Variants in IFT172 observed in about 807,000 individuals in gnomAD.
IFT172 encodes the protein intraflagellar transport protein 172 homolog.
In IFT172, 164 loss-of-function variants were observed where a neutral mutation model predicts 248.9. That is an observed-to-expected ratio of 0.66 (90% CI 0.58 to 0.75). The LOEUF (loss-of-function observed/expected upper bound fraction) is 0.75, where lower values mean the gene tolerates loss of function less well. IFT172 is among the 30% of genes least tolerant of loss of function. The pLI, the probability that IFT172 is intolerant of heterozygous loss-of-function variation, is 0.00. For synonymous variants in IFT172, 729 were observed against 791.6 expected (o/e 0.92, Z 1.33); for missense variants, 1,950 against 2,192.4 (o/e 0.89, Z 2.21).
Position 27,449,999 on chromosome 2 carries a change from G to A in IFT172, c.4049C>T (p.Ala1350Val), listed in dbSNP as rs1294982666. ...GTTCCATCTCAGCATCCTACTTACT[G>A]CACTGTGCTTTCCAATTCCAATCAG... ...PQLIGIGKHS[A>V]AAELYLNLDL... The change falls in exon 36 of 48, where the codon GCA becomes GTA. Residue 1350 changes from alanine to valine, a missense_variant and splice_region_variant. Coordinates refer to ENST00000260570, the MANE Select transcript of IFT172 (RefSeq NM_015662.3). 1 of 1,610,070 alleles carries A rather than the reference G, an allele frequency of 6.2e-7. No homozygotes were observed. Among genetic ancestry groups the A allele is most frequent in the Non-Finnish European group, 8.5e-7 (1 of 1,176,392 alleles).
chr2:27,477,950 C>T, intron 11 of IFT172, 45 bp downstream of exon 11: 1 of 1,608,770 alleles, frequency 6.2e-7, no homozygotes, highest in African/African-American at 1.3e-5. Flanking sequence ...AAATATTAAG[C>T]CAAGATGCCC....
At position 27,454,728 on chromosome 2, in the gene IFT172, A is replaced by G; in HGVS notation, c.3372-68T>C. ...CCCTTCATAAAAGGAACAAGACAAA[A>G]CAGAGAAAGGACAGAGTTGAGGGGA... is the stretch of plus-strand genomic sequence containing the variant. On this transcript the variant is annotated intron_variant, in intron 30 of 47. Transcript: ENST00000260570. This position sits in a 1 kb window ranked among gnomAD's most constrained non-coding sequence, Gnocchi z 4.2. The G allele has an allele frequency of 7.4e-7, 1 of 1,356,372 alleles. No homozygotes were observed. Among genetic ancestry groups the G allele is most frequent in the South Asian group, 1.2e-5 (1 of 83,652 alleles). 84.0% of individuals were successfully genotyped at this position (1,356,372 alleles called of 1,614,324 possible). A position where few individuals can be genotyped will look rare whatever the true frequency, so the allele number is the denominator to read the frequency against.
intron 16 of IFT172, 64 bp from the exon 17 acceptor site, chr2:27,465,946 A>G (rs1667062761): frequency 1.9e-6 from 3 of 1,594,452 alleles, no homozygotes; most frequent in Non-Finnish European, 2.6e-6. Context: ...TCAATTATAG[A>G]AAAGACCCAC....
At chr2:27,459,142 G>A (rs999263547) in intron 25 of IFT172, 8 of 622,820 alleles carry the variant, frequency 1.3e-5, no homozygotes, top group African/African-American at 9.2e-5. Flanking sequence ...GAAGAATCAC[G>A]CTGACTGGAA....
At chr2:27,448,805 G>A (rs1446279173) in intron 40 of IFT172, 110 bp downstream of exon 40, 8 of 723,728 alleles carry the variant, frequency 1.1e-5, no homozygotes, top group East Asian at 9.9e-5. Flanking sequence ...TGGGCATGAC[G>A]TTCTCTAAGG....
intron 7 of IFT172, among the ~76,000 whole-genome samples, chr2:27,482,035 G>A (rs1668415781): frequency 6.6e-6 from 1 of 151,014 alleles, no homozygotes; most frequent in African/African-American, 2.4e-5. Flanking sequence ...CGGGGCTGCA[G>A]TGCAGTGGCG....
chr2:27,481,875 C>G (rs1304736898), intron 7 of IFT172, among the ~76,000 whole-genome samples: 1 of 151,958 alleles, frequency 6.6e-6, no homozygotes, highest in East Asian at 1.9e-4. Flanking sequence ...TGGTAAAGCT[C>G]CTCAGAAAAG....
chr2:27,444,975 G>GCC (rs1664921943), intron 47 of IFT172, 39 bp downstream of exon 47: 1 of 1,587,832 alleles, frequency 6.3e-7, no homozygotes, highest in African/African-American at 1.4e-5. Flanking sequence ...TTTTAGTGCT[G>GCC]CCCTCTCTGC....
rs1278666017 is a variant in IFT172, at chr2:27,445,063, C to T, written c.5111G>A (p.Gly1704Glu). The T allele has an allele frequency of 6.2e-7, 1 of 1,613,972 alleles. No individual in the cohort carries two copies. The highest frequency in any genetic ancestry group is 8.5e-7 in the Non-Finnish European group (1 of 1,180,030). Residue 1704 changes from glycine to glutamate, a missense_variant, in exon 47 of 48, where the codon GGG becomes GAG. By Grantham distance (98) the Gly-to-Glu change is moderately conservative. Transcript: ENST00000260570. The surrounding 1 kb of genome is among the most constrained non-coding windows in gnomAD (Gnocchi z 4.4). ...LRNKIEFKRP[G>E]KAANKDNWNK... ...CCAGTTGTCCTTGTTAGCAGCCTTCCCTGGCCGCTTAAATTCAATTTTGTT... is the reference window on the plus strand; with the variant it reads ...CCAGTTGTCCTTGTTAGCAGCCTTCTCTGGCCGCTTAAATTCAATTTTGTT...
At chr2:27,447,756 G>C in intron 41 of IFT172, 56 bp downstream of exon 41, 15 of 1,596,432 alleles carry the variant, frequency 9.4e-6, no homozygotes, top group Non-Finnish European at 1.3e-5. Context: ...AGGTTTATGT[G>C]CATCAAAGAA....
rs1309394469 is a variant in IFT172 at position 27,459,519 on chromosome 2, G to A, written c.2646C>T (p.Cys882=). ...AAINHYIEAR[C]SIKAIEAALG... ...GGGCGGCCTCAATTGCCTTAATGGAGCACCTGGCAAAGTTGGGAAAGATAT... is the reference window on the plus strand; with the variant it reads ...GGGCGGCCTCAATTGCCTTAATGGAACACCTGGCAAAGTTGGGAAAGATAT... Residue 882 remains cysteine (C), a synonymous_variant, in exon 25 of 48, where the codon TGC becomes TGT. Coordinates refer to ENST00000260570, the MANE Select transcript of IFT172 (RefSeq NM_015662.3). 2 of 1,613,840 alleles carry A rather than the reference G, an allele frequency of 1.2e-6. No individual in the cohort carries two copies. The highest frequency in any genetic ancestry group is 1.7e-6 in the Non-Finnish European group (2 of 1,179,958).
At chr2:27,448,274 T>C (rs1665347629) in intron 40 of IFT172, among the ~76,000 whole-genome samples, 1 of 152,066 alleles carries the variant, frequency 6.6e-6, no homozygotes, top group African/African-American at 2.4e-5. Context: ...TAACTTTTTA[T>C]ATTTTTAGTA....
Position 27,483,386 on chromosome 2 carries a change from G to A in IFT172, c.483-10C>T. On this transcript the variant is annotated splice_polypyrimidine_tract_variant and intron_variant, in intron 6 of 47. Coordinates refer to ENST00000260570, the MANE Select transcript of IFT172 (RefSeq NM_015662.3). ...TCCTTTCCCAGAGCAACTAAAAAAGGAGAAAGGAGAGAAATACAGGAAGAG... is the reference window on the plus strand; with the variant it reads ...TCCTTTCCCAGAGCAACTAAAAAAGAAGAAAGGAGAGAAATACAGGAAGAG... 1 of 1,548,386 alleles carries A rather than the reference G, an allele frequency of 6.5e-7. No individual in the cohort carries two copies. The highest frequency in any genetic ancestry group is 1.1e-5 in the South Asian group (1 of 89,600).
chr2:27,447,672 A>G, intron 41 of IFT172, 38 bp from the exon 42 acceptor site: 4 of 1,613,856 alleles, frequency 2.5e-6, no homozygotes, highest in Admixed American at 1.7e-5. Flanking sequence ...CTCAGGGGTC[A>G]GAGGAGTGCC....
intron 18 of IFT172, chr2:27,465,150 G>A (rs1222099651): frequency 1.2e-5 from 5 of 434,196 alleles, no homozygotes; most frequent in South Asian, 3.2e-5. Flanking sequence ...TTGAACTCCT[G>A]ACCTTGTGAT....
chr2:27,462,157 C>T (rs192664216), intron 20 of IFT172, among the ~76,000 whole-genome samples: 6 of 152,038 alleles, frequency 3.9e-5, no homozygotes, highest in African/African-American at 9.7e-5. Flanking sequence ...CTCAGCCTCC[C>T]GAGTAGCTGG....
At chr2:27,467,417 T>TG (rs1558391370) in intron 16 of IFT172, among the ~76,000 whole-genome samples, 6 of 9,606 alleles carry the variant, frequency 6.2e-4, no homozygotes, top group Non-Finnish European at 1.2e-3. Flanking sequence ...TACAGAAAAT[T>TG]GAAAAAAAAA....
At chr2:27,450,190 T>C in intron 35 of IFT172, 94 bp from the exon 36 acceptor site, 1 of 939,022 alleles carries the variant, frequency 1.1e-6, no homozygotes, top group Non-Finnish European at 1.6e-6. Context: ...CTCCTCCAGA[T>C]GCCAACTTTT....
Position 27,445,715 on chromosome 2 carries a change from C to G in IFT172, c.4914+30G>C, listed in dbSNP as rs923445222. 1 of 1,611,844 alleles carries G rather than the reference C, an allele frequency of 6.2e-7. No individual in the cohort carries two copies. Among genetic ancestry groups the G allele is most frequent in the Admixed American group, 1.7e-5 (1 of 59,988 alleles). ...CCTCAAGGCACTCACACTGGTGAGG[C>G]CTTCCGGTTTTCCAACCCTGTGCCC... is the stretch of plus-strand genomic sequence containing the variant. On this transcript the variant is annotated intron_variant, in intron 45 of 47. Transcript: ENST00000260570. This position sits in a 1 kb window ranked among gnomAD's most constrained non-coding sequence, Gnocchi z 4.4.
Sources: allele counts gnomAD v4.1 joint callset (sites outside exome capture counted in the v4.1 genomes callset), GRCh38; gene constraint gnomAD v4.1.1; non-coding constraint Gnocchi (gnomAD v3.1); transcripts MANE v1.5; gene names NCBI Gene and HGNC (gene_info 2026-07-23, HGNC 2026-07-21).